FOCAD: variants seen among roughly 807,000 people sequenced by gnomAD.
FOCAD encodes the protein KIAA1797.
In FOCAD, 198 loss-of-function variants were observed where a neutral mutation model predicts 225.6. The observed-to-expected ratio is 0.88, with a 90% confidence interval of 0.78 to 0.99. FOCAD has a LOEUF of 0.99. Ranked by LOEUF, FOCAD falls within the 50% of genes least tolerant of loss-of-function variation. The pLI is 0.00. For missense variants in FOCAD, 2,713 were observed against 2,123.6 expected (o/e 1.28, Z -5.46); for synonymous variants, 897 against 755.0 (o/e 1.19, Z -3.08).
chr9:20,823,071 G>C lies in FOCAD; in HGVS notation c.1876G>C (p.Ala626Pro). ...CACCAAGCCTGATCAAGCTACTCCA[G>C]CAGCCTTGGTATTACAGGGTCTTCA... ...ECTKPDQATP[A>P]ALVLQGLHAL... The change falls in exon 15 of 44, where the codon GCA (alanine) becomes CCA (proline). Residue 626 changes from alanine (A) to proline (P), a missense_variant. By Grantham distance (27) the Ala-to-Pro change is conservative (BLOSUM62 -1). Coordinates refer to ENST00000338382, the MANE Select transcript of FOCAD (RefSeq NM_001375567.1). 1 of 1,609,160 alleles carries C rather than the reference G, an allele frequency of 6.2e-7. No individual in the cohort carries two copies. The highest frequency in any genetic ancestry group is 8.5e-7 in the Non-Finnish European group (1 of 1,178,032).
In FOCAD at chr9:20,674,339, C is replaced by G. The variant is rs533642314; in HGVS notation, c.-78+15513C>G. ...TGTAAGTGTACACCTCTTCCCAACT[C>G]CATATGGAAATTGACCATGTGGGAG... On this transcript the variant is annotated intron_variant, in intron 2 of 45. Transcript: ENST00000380249. Among the ~76,000 whole-genome samples, 30 of 152,222 alleles carry G rather than the reference C, an allele frequency of 2.0e-4. 1 individual carries two copies. Among genetic ancestry groups the G allele is most frequent in the African/African-American group, 7.0e-4 (29 of 41,520 alleles).
chr9:20,832,206 T>C (rs1825566517), intron 15 of FOCAD, among the ~76,000 whole-genome samples: 1 of 151,836 alleles, frequency 6.6e-6, no homozygotes, highest in South Asian at 2.1e-4. Flanking sequence ...TATCTAAGAG[T>C]GGAATTGCTG....
chr9:20,756,970 C>T (rs1401231264), intron 5 of FOCAD, among the ~76,000 whole-genome samples: 1 of 152,072 alleles, frequency 6.6e-6, no homozygotes, highest in Non-Finnish European at 1.5e-5. Context: ...GCTCTTGTTG[C>T]CCAGGCTGGA....
rs138811871 is a variant in FOCAD at position 20,820,635 on chromosome 9, A to G, written c.1662+210A>G. ...TGAGAATATAAAATCTCATTTCTTT[A>G]TTTCTGAAATGTATCTTTCCATTTG... On this transcript the variant is annotated intron_variant, in intron 13 of 43. Transcript: ENST00000338382. Among the ~76,000 whole-genome samples, 209 of 152,278 alleles carry G rather than the reference A, an allele frequency of 1.4e-3. 2 individuals carry two copies. Among genetic ancestry groups the G allele is most frequent in the African/African-American group, 4.8e-3 (201 of 41,572 alleles).
intron 4 of FOCAD, among the ~76,000 whole-genome samples, chr9:20,731,639 C>G (rs375958311): frequency 2.0e-5 from 3 of 152,044 alleles, no homozygotes; most frequent in African/African-American, 4.8e-5. Context: ...TTTTTTGACA[C>G]AGAGTTTCGT....
intron 22 of FOCAD, among the ~76,000 whole-genome samples, chr9:20,909,952 A>G (rs939708116): frequency 5.3e-5 from 8 of 152,048 alleles, no homozygotes; most frequent in Non-Finnish European, 1.0e-4. Context: ...TAGAGGTGCC[A>G]TGTTTTATTC....
At chr9:20,721,832 G>A (rs1825789590) in intron 4 of FOCAD, among the ~76,000 whole-genome samples, 1 of 150,112 alleles carries the variant, frequency 6.7e-6, no homozygotes, top group Non-Finnish European at 1.5e-5. Context: ...GTGTCTTTTT[G>A]GCACCTTGGT....
intron 4 of FOCAD, among the ~76,000 whole-genome samples, chr9:20,736,648 A>C (rs1264610324): frequency 6.6e-6 from 1 of 152,212 alleles, no homozygotes; most frequent in African/African-American, 2.4e-5. Context: ...AAGAGGGAAG[A>C]ACATTATTAT....
At chr9:20,969,983 C>G (rs1356091773) in intron 35 of FOCAD, among the ~76,000 whole-genome samples, 1 of 101,102 alleles carries the variant, frequency 9.9e-6, no homozygotes, top group East Asian at 2.9e-4. Flanking sequence ...CAGCATTTTT[C>G]GATGACAGTT....
chr9:20,826,206 A>T (rs1256562112), intron 15 of FOCAD, among the ~76,000 whole-genome samples: 1 of 152,004 alleles, frequency 6.6e-6, no homozygotes, highest in African/African-American at 2.4e-5. Flanking sequence ...GAGTCAGTGG[A>T]CTGGGAGAGG....
chr9:20,977,915 C>G, intron 36 of FOCAD, among the ~76,000 whole-genome samples: 1 of 152,128 alleles, frequency 6.6e-6, no homozygotes, highest in East Asian at 1.9e-4. Context: ...AATCTTATTA[C>G]TAGAAAGGCT....
At chr9:20,835,829 T>C (rs1215607685) in intron 15 of FOCAD, among the ~76,000 whole-genome samples, 1 of 152,028 alleles carries the variant, frequency 6.6e-6, no homozygotes, top group African/African-American at 2.4e-5. Context: ...AGAAAAGCTC[T>C]TTCATCTTGC....
intron 21 of FOCAD, among the ~76,000 whole-genome samples, chr9:20,892,985 T>C (rs189283412): frequency 3.9e-5 from 6 of 152,202 alleles, no homozygotes; most frequent in South Asian, 4.2e-4. Flanking sequence ...AAGATTTATA[T>C]AATTATTTAC....
chr9:20,880,182 T>A (rs982393342), intron 19 of FOCAD, among the ~76,000 whole-genome samples: 1 of 152,082 alleles, frequency 6.6e-6, no homozygotes, highest in Non-Finnish European at 1.5e-5. Context: ...GATTGAGTAA[T>A]TGGAGAGAGT....
chr9:20,754,094 T>C (rs1168164800), intron 5 of FOCAD, among the ~76,000 whole-genome samples: 1 of 152,132 alleles, frequency 6.6e-6, no homozygotes, highest in Non-Finnish European at 1.5e-5. Flanking sequence ...CTCAGTTAAA[T>C]TGTGGATCCT....
chr9:20,885,091 A>G lies in FOCAD; in HGVS notation c.2504-18A>G, dbSNP rs370509102. 5 of 1,337,998 alleles carry G rather than the reference A, an allele frequency of 3.7e-6. No homozygotes were observed. The African/African-American group carries it at 4.6e-5, about 12-fold the overall frequency. The allele number at this position is 1,337,998 out of a possible 1,614,324, so 82.9% of individuals were successfully genotyped here. ...TAAAAATAAAAATAAAATAAAGTCT[A>G]TATAATTTTTTTTAAAGGTGGTATG... On this transcript the variant is annotated intron_variant, in intron 20 of 43. Coordinates refer to ENST00000338382, the MANE Select transcript of FOCAD (RefSeq NM_001375567.1).
chr9:20,749,964 C>A (rs1190470910), intron 5 of FOCAD, among the ~76,000 whole-genome samples: 1 of 152,140 alleles, frequency 6.6e-6, no homozygotes, highest in Admixed American at 6.6e-5. Context: ...ATGCATTTAT[C>A]ATTCACTCCT....
At chr9:20,683,001 G>T (rs980368169), upstream of FOCAD, among the ~76,000 whole-genome samples, 5 of 152,136 alleles carry the variant, frequency 3.3e-5, no homozygotes, top group South Asian at 6.2e-4. Context: ...GGCTGGTCTT[G>T]AACTCCGCCC....
chr9:20,761,754 GT>G (rs1011524453), intron 6 of FOCAD, among the ~76,000 whole-genome samples: 1 of 151,818 alleles, frequency 6.6e-6, no homozygotes, highest in African/African-American at 2.4e-5. Context: ...CTCTAGGTCT[GT>G]TTTTTTTAGT....
Sources: allele counts gnomAD v4.1 joint callset (sites outside exome capture counted in the v4.1 genomes callset), GRCh38; gene constraint gnomAD v4.1.1; transcripts MANE v1.5; gene names NCBI Gene and HGNC (gene_info 2026-07-23, HGNC 2026-07-21).